The following PRKAR1B variants were observed in gnomAD, a reference collection of about 807,000 sequenced individuals.
PRKAR1B encodes the protein protein kinase cAMP-dependent type I regulatory subunit beta.
PRKAR1B carries 22 observed loss-of-function variants against 46.5 expected under a neutral mutation model. The observed-to-expected ratio is 0.47, with a 90% CI of 0.34 to 0.68. PRKAR1B has a LOEUF of 0.68. Ranked by LOEUF, PRKAR1B falls within the 30% of genes least tolerant of loss-of-function variation. The pLI, the probability that PRKAR1B is intolerant of heterozygous loss-of-function variation, is 0.01. For synonymous variants in PRKAR1B, 259 were observed against 217.7 expected, an observed-to-expected ratio of 1.19 and a Z score of -1.67; for missense variants, 445 against 535.6, an observed-to-expected ratio of 0.83 and a Z score of 1.67.
At chr7:586,075 C>T (rs1780576736) in intron 7 of PRKAR1B, among the ~76,000 whole-genome samples, 1 of 152,100 alleles carries the variant, frequency 6.6e-6, no homozygotes, top group Non-Finnish European at 1.5e-5. Flanking sequence ...GAGATGATGG[C>T]TGGGGCTGCA....
At chr7:703,231 A>G (rs981711157) in intron 2 of PRKAR1B, among the ~76,000 whole-genome samples, 1 of 152,272 alleles carries the variant, frequency 6.6e-6, no homozygotes, top group African/African-American at 2.4e-5. Flanking sequence ...TATGCAACTA[A>G]TAACAGAGCT....
At chr7:583,975 C>G (rs1056418090) in intron 8 of PRKAR1B, among the ~76,000 whole-genome samples, 2 of 152,220 alleles carry the variant, frequency 1.3e-5, no homozygotes, top group Admixed American at 6.5e-5. Context: ...CAGGCTCACC[C>G]GAAGGTGAAA....
At chr7:703,631 G>A (rs1269773071) in intron 2 of PRKAR1B, among the ~76,000 whole-genome samples, 8 of 151,016 alleles carry the variant, frequency 5.3e-5, no homozygotes. Flanking sequence ...ACTCCAGCCT[G>A]GGCAACAGAG....
chr7:555,824 C>T lies in PRKAR1B; in HGVS notation c.892-4354G>A, dbSNP rs911257100. The stretch of plus-strand genomic sequence containing the variant: ...TGCAGTCACCCGTGGTGGTGGCCAG[C>T]ACACCTGGCTCACAGGCCCTGTTGC... On this transcript the variant is annotated intron_variant, in intron 9 of 10. Coordinates refer to ENST00000537384, the MANE Select transcript of PRKAR1B (RefSeq NM_001164760.2). Among the ~76,000 whole-genome samples the T allele has an allele frequency of 7.9e-5, 12 of 152,338 alleles. No homozygotes were observed. The East Asian group carries it at 2.3e-3, about 29-fold the overall frequency.
intron 3 of PRKAR1B, among the ~76,000 whole-genome samples, chr7:678,637 G>C (rs1778477323): frequency 6.6e-6 from 1 of 152,234 alleles, no homozygotes; most frequent in African/African-American, 2.4e-5. Flanking sequence ...GTTGTGCCTG[G>C]GCCACCCAGG....
chr7:580,103 C>T (rs945639183), intron 8 of PRKAR1B, among the ~76,000 whole-genome samples: 10 of 151,726 alleles, frequency 6.6e-5, no homozygotes, highest in African/African-American at 2.4e-4. Context: ...TGGTGGTGTA[C>T]ACCTGTGGTC....
rs1270744754 is a variant in PRKAR1B at position 644,366 on chromosome 7, T to A, written c.440+32863A>T. 6.6e-6 allele frequency among the ~76,000 whole-genome samples: 1 copy of A among 152,140 alleles called. No homozygotes were observed. The highest frequency in any genetic ancestry group is 1.5e-5 in the Non-Finnish European group (1 of 68,020). On this transcript the variant is annotated intron_variant, in intron 4 of 10. Transcript: ENST00000537384. This position sits in a 1 kb window ranked among gnomAD's most constrained non-coding sequence, Gnocchi z 4.9. ...GAGGTACACAATGAGGTGGGGAAAC[T>A]GAGGCGCGCACATTCGGAACGGGGT...
Position 710,110 on chromosome 7 carries a change from C to G in PRKAR1B, c.177+1219G>C, listed in dbSNP as rs552325652. Reference sequence around the variant, plus strand: ...CTGCTTCCAAGGGAAGAGTTATATTCACTCCTTTGGGTTAGGACTATGTGA... The same window carrying G: ...CTGCTTCCAAGGGAAGAGTTATATTGACTCCTTTGGGTTAGGACTATGTGA... On this transcript the variant is annotated intron_variant, in intron 2 of 10. Transcript: ENST00000537384. Among the ~76,000 whole-genome samples the G allele has an allele frequency of 5.3e-5, 8 of 152,260 alleles. No homozygotes were observed. The East Asian group carries it at 1.5e-3, about 29-fold the overall frequency.
At chr7:715,124 T>G (rs1220041879) in intron 1 of PRKAR1B, among the ~76,000 whole-genome samples, 1 of 152,134 alleles carries the variant, frequency 6.6e-6, no homozygotes, top group Non-Finnish European at 1.5e-5. Context: ...TGAGCCCAGA[T>G]CGTACCACTG....
chr7:563,008 C>T (rs777301943), intron 9 of PRKAR1B, among the ~76,000 whole-genome samples: 20 of 152,232 alleles, frequency 1.3e-4, no homozygotes, highest in Non-Finnish European at 1.9e-4. Context: ...AGAAACCTAA[C>T]GGGCGCTGAT....
chr7:646,094 G>A (rs1784606692), intron 4 of PRKAR1B, among the ~76,000 whole-genome samples: 1 of 151,964 alleles, frequency 6.6e-6, no homozygotes, highest in Non-Finnish European at 1.5e-5. Context: ...CTCCCAGGTT[G>A]AAGTGCAGTG....
chr7:671,146 C>G (rs1301714557), intron 4 of PRKAR1B, among the ~76,000 whole-genome samples: 1 of 152,186 alleles, frequency 6.6e-6, no homozygotes. Context: ...GCCCTGAACA[C>G]CACCCACCCT....
chr7:579,510 CT>C (rs1266146993), intron 8 of PRKAR1B, 133 bp from the exon 9 acceptor site: 2 of 1,203,386 alleles, frequency 1.7e-6, no homozygotes, highest in Admixed American at 2.4e-5. Flanking sequence ...GACCAGTAAG[CT>C]GCATAAGATG....
chr7:665,147 C>T lies in PRKAR1B; in HGVS notation c.440+12082G>A, dbSNP rs557646340. ...GCTGCAACTGCCCCGCAGCTCCAGG[C>T]GCAGGCCACGAGACTTGTTATTAGC... On this transcript the variant is annotated intron_variant, in intron 4 of 10. Coordinates refer to ENST00000537384, the MANE Select transcript of PRKAR1B (RefSeq NM_001164760.2). 9.8e-5 allele frequency among the ~76,000 whole-genome samples: 15 copies of T among 152,298 alleles called. No homozygotes were observed. The East Asian group carries it at 2.5e-3, about 25-fold the overall frequency.
At chr7:556,287 C>T (rs901339323) in intron 9 of PRKAR1B, among the ~76,000 whole-genome samples, 1 of 152,090 alleles carries the variant, frequency 6.6e-6, no homozygotes, top group Non-Finnish European at 1.5e-5. Flanking sequence ...TGGAAACCGA[C>T]CCCTCAGAGG....
intron 4 of PRKAR1B, among the ~76,000 whole-genome samples, chr7:662,343 C>A (rs368621753): frequency 9.3e-5 from 12 of 128,800 alleles, no homozygotes; most frequent in Middle Eastern, 4.7e-3. Flanking sequence ...ACTCTCCCCC[C>A]CATGGCACAG....
intron 4 of PRKAR1B, among the ~76,000 whole-genome samples, chr7:617,884 G>A: frequency 6.6e-6 from 1 of 152,138 alleles, no homozygotes; most frequent in East Asian, 1.9e-4. Flanking sequence ...GGGCTGTATG[G>A]GAAAGCCTAG....
At chr7:681,437 A>G (rs151082017) in intron 2 of PRKAR1B, among the ~76,000 whole-genome samples, 148 of 152,312 alleles carry the variant, frequency 9.7e-4, no homozygotes, top group African/African-American at 3.6e-3. Context: ...TAAAAAATAA[A>G]GTGGGTGAGG....
intron 4 of PRKAR1B, among the ~76,000 whole-genome samples, chr7:642,070 A>AT (rs986823582): frequency 4.6e-5 from 7 of 151,840 alleles, no homozygotes; most frequent in Non-Finnish European, 7.4e-5. Context: ...ACACCCAGCT[A>AT]TTTTTTGTAG....
Sources: gnomAD v4.1 joint callset for allele counts (sites outside exome capture counted in the v4.1 genomes callset) on GRCh38, gnomAD v4.1.1 for gene constraint, Gnocchi (gnomAD v3.1) non-coding constraint, MANE v1.5 for transcripts, NCBI Gene and HGNC (gene_info 2026-07-23, HGNC 2026-07-21) for gene names.